Variants in EFCAB13 observed in about 807,000 individuals in gnomAD.
The protein encoded by EFCAB13 is EF-hand calcium-binding domain-containing protein 13.
EFCAB13 carries 91 observed loss-of-function variants against 110.2 expected under a neutral mutation model. The ratio of observed to expected loss-of-function variants is 0.83; its 90% CI spans 0.70 to 0.98. The LOEUF is 0.98. EFCAB13 is among the 50% of genes least tolerant of loss of function. EFCAB13 has a pLI of 0.00. For missense variants in EFCAB13, 968 were observed against 1,119.4 expected (o/e 0.86, Z 1.93); for synonymous variants, 323 against 369.9 (o/e 0.87, Z 1.45).
rs377667912 is a variant in EFCAB13 at position 47,374,626 on chromosome 17, A to G, written c.1032A>G (p.Gln344=). The change falls in exon 12 of 25, where the codon CAA becomes CAG. Residue 344 remains glutamine, a synonymous_variant. Coordinates refer to ENST00000331493, the MANE Select transcript of EFCAB13 (RefSeq NM_152347.5). ...ISKKLNKKSN[Q]YYSKIMENDD... is the part of the protein sequence containing the mutation. ...AAAAGTTAAATAAAAAAAGCAACCAATATTATAGCAAAATTATGGAGAATG... is the reference window on the plus strand; with the variant it reads ...AAAAGTTAAATAAAAAAAGCAACCAGTATTATAGCAAAATTATGGAGAATG... 6.2e-5 allele frequency: 100 copies of G among 1,606,168 alleles called. No homozygotes were observed. In the African/African-American group the frequency reaches 1.3e-3, roughly 21 times the overall value.
chr17:47,415,453 G>A (rs1268298147), intron 23 of EFCAB13, among the ~76,000 whole-genome samples: 1 of 151,960 alleles, frequency 6.6e-6, no homozygotes, highest in Non-Finnish European at 1.5e-5. Flanking sequence ...TTTTAAAAAG[G>A]ATTTCAAGCC....
intron 13 of EFCAB13, 47 bp from the exon 14 acceptor site, chr17:47,379,135 T>C (rs2143375825): frequency 6.8e-7 from 1 of 1,461,550 alleles, no homozygotes; most frequent in Admixed American, 1.7e-5. Flanking sequence ...TTTGCCTTTA[T>C]GCAAAAATAC....
At chr17:47,381,658 G>C (rs2065647791) in intron 14 of EFCAB13, among the ~76,000 whole-genome samples, 1 of 152,152 alleles carries the variant, frequency 6.6e-6, no homozygotes, top group African/African-American at 2.4e-5. Flanking sequence ...AGATCAGATG[G>C]TTGTAGCTGT....
chr17:47,405,501 A>T (rs1299851528), intron 20 of EFCAB13, among the ~76,000 whole-genome samples: 2 of 151,898 alleles, frequency 1.3e-5, no homozygotes, highest in Middle Eastern at 3.2e-3. Flanking sequence ...ATTTTTTTCT[A>T]GTTTATTTTT....
At position 47,349,169 on chromosome 17, in the gene EFCAB13, AC is replaced by A. The variant is rs2065434435; in HGVS notation, c.661+1220del. Reference sequence around the variant, plus strand: ...CTTCTGTGGTATGGAAGTGAGAACAACCAAGCCTTGTCATTTCCTCTGCAGA... The same window carrying A: ...CTTCTGTGGTATGGAAGTGAGAACAACAAGCCTTGTCATTTCCTCTGCAGA... On this transcript the variant is annotated intron_variant, in intron 9 of 24. Transcript: ENST00000331493. 5.3e-5 allele frequency among the ~76,000 whole-genome samples: 8 copies of A among 152,344 alleles called. No individual in the cohort carries two copies. The South Asian group carries it at 1.5e-3, about 28-fold the overall frequency.
At chr17:47,355,949 A>C (rs951966909) in intron 9 of EFCAB13, among the ~76,000 whole-genome samples, 1 of 151,986 alleles carries the variant, frequency 6.6e-6, no homozygotes, top group Non-Finnish European at 1.5e-5. Flanking sequence ...CCTTTTCTTC[A>C]TGCTCTGAAG....
chr17:47,393,804 C>G lies in EFCAB13; in HGVS notation c.1727-221C>G, dbSNP rs559368102. On this transcript the variant is annotated intron_variant, in intron 15 of 24. Coordinates refer to ENST00000331493, the MANE Select transcript of EFCAB13 (RefSeq NM_152347.5). ...AAATATTATGTATGCTTGAGAGGGA[C>G]TGGAAGAATTTTGACCCGTTTTCTT... Among the ~76,000 whole-genome samples the G allele has an allele frequency of 7.3e-5, 11 of 151,094 alleles. No homozygotes were observed. In the South Asian group the frequency reaches 2.1e-3, roughly 29 times the overall value.
At chr17:47,360,092 G>T (rs2065504444) in intron 9 of EFCAB13, among the ~76,000 whole-genome samples, 1 of 152,060 alleles carries the variant, frequency 6.6e-6, no homozygotes, top group South Asian at 2.1e-4. Flanking sequence ...ACAAACATGT[G>T]CATGTGTCTT....
chr17:47,331,947 G>A (rs77788513), intron 4 of EFCAB13, among the ~76,000 whole-genome samples: 6,217 of 152,040 alleles, frequency 0.041, 293 homozygotes, highest in East Asian at 0.24. Context: ...TCTACATTTA[G>A]CACAGTTTAT....
intron 11 of EFCAB13, among the ~76,000 whole-genome samples, chr17:47,371,771 GC>G (rs2065586157): frequency 6.6e-6 from 1 of 152,032 alleles, no homozygotes; most frequent in Non-Finnish European, 1.5e-5. Flanking sequence ...GCATGACCAT[GC>G]CCGGCTAATA....
chr17:47,363,267 A>G (rs548428121), intron 10 of EFCAB13, among the ~76,000 whole-genome samples: 12 of 152,054 alleles, frequency 7.9e-5, no homozygotes, highest in African/African-American at 2.7e-4. Context: ...AGGTCTTGCT[A>G]TGTTTCCTAG....
intron 17 of EFCAB13, among the ~76,000 whole-genome samples, chr17:47,398,931 T>A (rs2065763966): frequency 6.6e-6 from 1 of 152,242 alleles, no homozygotes. Flanking sequence ...TTTATTATTC[T>A]TTCTTTGGAG....
chr17:47,334,126 G>GTT (rs139319285), intron 4 of EFCAB13, among the ~76,000 whole-genome samples: 52 of 148,408 alleles, frequency 3.5e-4, no homozygotes, highest in Admixed American at 2.3e-3. Context: ...AAGTTTTATA[G>GTT]TTTTTTTTTT....
At chr17:47,378,033 C>A in intron 13 of EFCAB13, 130 bp downstream of exon 13, 1 of 855,336 alleles carries the variant, frequency 1.2e-6, no homozygotes, top group Non-Finnish European at 1.7e-6. Flanking sequence ...AAAGAAAATT[C>A]AGATATAAAA....
intron 6 of EFCAB13, among the ~76,000 whole-genome samples, chr17:47,342,652 T>C (rs1182273597): frequency 2.6e-5 from 4 of 152,190 alleles, no homozygotes; most frequent in Non-Finnish European, 4.4e-5. Flanking sequence ...AATCTGAGAA[T>C]GCATGCCTTT....
chr17:47,386,828 C>G (rs1030801273), intron 14 of EFCAB13, among the ~76,000 whole-genome samples: 1 of 151,748 alleles, frequency 6.6e-6, no homozygotes, highest in African/African-American at 2.4e-5. Context: ...TAGTATCTGG[C>G]CCAGATAGCA....
chr17:47,421,982 T>A (rs999822138), intron 23 of EFCAB13, among the ~76,000 whole-genome samples: 2 of 152,174 alleles, frequency 1.3e-5, no homozygotes, highest in Admixed American at 1.3e-4. Context: ...GTAATCTTCA[T>A]ATAAAAACCT....
intron 14 of EFCAB13, among the ~76,000 whole-genome samples, chr17:47,391,007 A>T (rs1230736862): frequency 6.6e-6 from 1 of 152,032 alleles, no homozygotes; most frequent in Admixed American, 6.6e-5. Context: ...TGGTACTATC[A>T]TAGCTCACCT....
At chr17:47,339,643 G>A (rs867257835) in intron 5 of EFCAB13, among the ~76,000 whole-genome samples, 1 of 148,074 alleles carries the variant, frequency 6.8e-6, no homozygotes, top group Non-Finnish European at 1.5e-5. Context: ...GTTATGAAAG[G>A]TCTTGAGATC....
Sources: gnomAD v4.1 joint callset for allele counts (sites outside exome capture counted in the v4.1 genomes callset) on GRCh38, gnomAD v4.1.1 for gene constraint, MANE v1.5 for transcripts, NCBI Gene and HGNC (gene_info 2026-07-23, HGNC 2026-07-21) for gene names.